The following ZYG11B variants were observed in gnomAD, a reference collection of about 807,000 sequenced individuals.
ZYG11B encodes protein zyg-11 homolog B.
ZYG11B carries 36 observed loss-of-function variants against 82.4 expected under a neutral mutation model. The observed-to-expected ratio is 0.44, with a 90% CI of 0.33 to 0.58. The LOEUF is 0.58. Ranked by LOEUF, ZYG11B falls within the 20% of genes least tolerant of loss-of-function variation. The probability of loss-of-function intolerance (pLI) is 0.02; values close to 1 mark genes in which losing one functional copy is unlikely to be tolerated. For missense variants in ZYG11B, 552 were observed against 895.6 expected (o/e 0.62, Z 4.90); for synonymous variants, 303 against 312.8 (o/e 0.97, Z 0.33).
chr1:52,768,301 A>G (rs1644715846), intron 2 of ZYG11B, among the ~76,000 whole-genome samples: 1 of 152,156 alleles, frequency 6.6e-6, no homozygotes. Context: ...GAAAAAAACC[A>G]GGAACTTTTC....
chr1:52,797,191 ATATAAAT>A (rs1645025881), intron 8 of ZYG11B, among the ~76,000 whole-genome samples: 1 of 78,250 alleles, frequency 1.3e-5, no homozygotes, highest in South Asian at 3.7e-4. Context: ...TATATATTAT[ATATAAAT>A]TATTTATATA....
chr1:52,821,519 C>G lies in ZYG11B; in HGVS notation c.2125C>G (p.Pro709Ala). 1.2e-6 allele frequency: 2 copies of G among 1,614,028 alleles called. No homozygotes were observed. Among genetic ancestry groups the G allele is most frequent in the African/African-American group, 2.7e-5 (2 of 75,004 alleles). ...YNIKDHEHTD[P>A]HVQQIAVAIL... ...CATCAAAGATCATGAACATACTGATCCCCATGTCCAACAGATTGCTGTGGC... is the reference window on the plus strand; with the variant it reads ...CATCAAAGATCATGAACATACTGATGCCCATGTCCAACAGATTGCTGTGGC... The change falls in exon 14 of 14, where the codon CCC (proline) becomes GCC (alanine). Residue 709 changes from proline to alanine, a missense_variant. By Grantham distance (27) the Pro-to-Ala change is conservative (BLOSUM62 -1). This residue lies in a region of ZYG11B where 127 missense variants were observed against 163.4 expected (regional missense o/e 0.78). Transcript: ENST00000294353.
chr1:52,811,798 A>G (rs760787871), intron 10 of ZYG11B, among the ~76,000 whole-genome samples: 3 of 152,152 alleles, frequency 2.0e-5, no homozygotes, highest in African/African-American at 4.8e-5. Flanking sequence ...TGGGAGGCCA[A>G]GGCGGGCGGA....
At chr1:52,726,750 C>A in intron 1 of ZYG11B, 67 bp downstream of exon 1, 1 of 1,404,798 alleles carries the variant, frequency 7.1e-7, no homozygotes, top group Non-Finnish European at 9.3e-7. Flanking sequence ...TCGCGCTGGC[C>A]CCTGCGGTCT....
At chr1:52,772,646 C>T (rs1644763799) in intron 3 of ZYG11B, 1 of 887,792 alleles carries the variant, frequency 1.1e-6, no homozygotes, top group African/African-American at 1.6e-5. Flanking sequence ...GCATACGACC[C>T]ATGATGGCGG....
At position 52,796,723 on chromosome 1, in the gene ZYG11B, C is replaced by G; in HGVS notation, c.1435-11C>G. The G allele has an allele frequency of 1.3e-6, 2 of 1,596,104 alleles. No individual in the cohort carries two copies. Among genetic ancestry groups the G allele is most frequent in the Non-Finnish European group, 1.7e-6 (2 of 1,173,178 alleles). ...TCTTGGACATTGAATTTGTTTTTTA[C>G]TTGCTTGCAGCTTTCTACAGAACAA... is the stretch of plus-strand genomic sequence containing the variant. On this transcript the variant is annotated splice_polypyrimidine_tract_variant and intron_variant, in intron 7 of 13. Coordinates refer to ENST00000294353, the MANE Select transcript of ZYG11B (RefSeq NM_024646.3).
At chr1:52,744,242 CTA>C (rs1182933851) in intron 1 of ZYG11B, among the ~76,000 whole-genome samples, 1 of 152,130 alleles carries the variant, frequency 6.6e-6, no homozygotes, top group African/African-American at 2.4e-5. Flanking sequence ...CAGCCTTTTT[CTA>C]TGTTTAGATT....
intron 4 of ZYG11B, among the ~76,000 whole-genome samples, chr1:52,784,006 A>AGG (rs1644891204): frequency 1.3e-5 from 2 of 151,406 alleles, no homozygotes; most frequent in Admixed American, 6.6e-5. Flanking sequence ...ATAGAGAGAG[A>AGG]GAGAGATGGA....
chr1:52,824,708 G>A lies in ZYG11B; in HGVS notation c.*3079G>A, dbSNP rs186093936. 2.0e-4 allele frequency: 30 copies of A among 152,172 alleles called. No individual in the cohort carries two copies. In the East Asian group the frequency reaches 4.2e-3, roughly 22 times the overall value. 9.4% of individuals were successfully genotyped at this position (152,172 alleles called of 1,614,324 possible). ...AAAATTTGAGTGCCTTTGCAGTTGG[G>A]ATGGTTCCTAAAATTGCGTATAGAA... On this transcript the variant is annotated 3_prime_UTR_variant, in exon 14 of 14. Coordinates refer to ENST00000294353, the MANE Select transcript of ZYG11B (RefSeq NM_024646.3).
intron 7 of ZYG11B, 58 bp downstream of exon 7, chr1:52,796,449 T>C (rs1008885711): frequency 5.1e-6 from 7 of 1,374,628 alleles, no homozygotes; most frequent in African/African-American, 1.4e-5. Flanking sequence ...CTACATTTAC[T>C]GTTTCCCCCC....
intron 10 of ZYG11B, among the ~76,000 whole-genome samples, chr1:52,806,874 AT>A (rs112225804): frequency 2.6e-4 from 38 of 146,384 alleles, no homozygotes; most frequent in Non-Finnish European, 2.4e-4. Context: ...GTACAATGTA[AT>A]TTTTTTTTTT....
intron 5 of ZYG11B, among the ~76,000 whole-genome samples, chr1:52,786,434 C>T (rs1045526021): frequency 6.6e-6 from 1 of 152,068 alleles, no homozygotes; most frequent in African/African-American, 2.4e-5. Context: ...TCAATAAAGT[C>T]GTTATATATT....
chr1:52,813,708 A>G lies in ZYG11B; in HGVS notation c.1868A>G (p.Gln623Arg), dbSNP rs1358697111. ...CAAGCTTGGACATTGAGTCGTAGCC[A>G]GAGGAATTCTCTGCTGGATGATTTG... Reference protein sequence around the residue: ...GEQAWTLSRSQRNSLLDDLHS... With the variant: ...GEQAWTLSRSRRNSLLDDLHS... Residue 623 changes from glutamine to arginine, a missense_variant, in exon 11 of 14, where the codon CAG becomes CGG. By Grantham distance (43) the Gln-to-Arg change is conservative (BLOSUM62 1). Transcript: ENST00000294353. 1.2e-6 allele frequency: 2 copies of G among 1,614,050 alleles called. No homozygotes were observed. Among genetic ancestry groups the G allele is most frequent in the Non-Finnish European group, 1.7e-6 (2 of 1,180,036 alleles).
intron 1 of ZYG11B, among the ~76,000 whole-genome samples, chr1:52,753,381 G>T (rs1644542247): frequency 6.7e-6 from 1 of 149,804 alleles, no homozygotes; most frequent in Admixed American, 6.7e-5. Flanking sequence ...AGCAATTATT[G>T]TCCATGGTTG....
intron 1 of ZYG11B, 143 bp from the exon 2 acceptor site, chr1:52,756,315 C>T (rs1332127271): frequency 4.5e-6 from 3 of 669,118 alleles, no homozygotes; most frequent in African/African-American, 1.8e-5. Flanking sequence ...GATTGTATTC[C>T]ACTGCCTTAC....
At chr1:52,821,402 TTC>T (rs1645282449) in intron 13 of ZYG11B, 35 bp from the exon 14 acceptor site, 1 of 1,521,228 alleles carries the variant, frequency 6.6e-7, no homozygotes, top group South Asian at 1.3e-5. Flanking sequence ...GAAAAGCTAT[TTC>T]TCCTGTTTTG....
At chr1:52,810,283 A>C (rs1645172028) in intron 10 of ZYG11B, among the ~76,000 whole-genome samples, 3 of 152,166 alleles carry the variant, frequency 2.0e-5, no homozygotes. Context: ...CTCTGTGAGC[A>C]CTATGCACTT....
chr1:52,816,015 TAATTA>T (rs925645547), intron 12 of ZYG11B, among the ~76,000 whole-genome samples: 5 of 152,216 alleles, frequency 3.3e-5, no homozygotes, highest in African/African-American at 9.6e-5. Flanking sequence ...GATAACTTGA[TAATTA>T]AATTACTAAT....
Position 52,821,883 on chromosome 1 carries a change from A to C in ZYG11B, c.*254A>C, listed in dbSNP as rs1274511486. ...ATTTTCCACATCTTTCAGTGTTTGA[A>C]CTTACTTGTGCTTGAGATTCTACAG... is the stretch of plus-strand genomic sequence containing the variant. On this transcript the variant is annotated 3_prime_UTR_variant, in exon 14 of 14. Coordinates refer to ENST00000294353, the MANE Select transcript of ZYG11B (RefSeq NM_024646.3). 3 of 341,724 alleles carry C rather than the reference A, an allele frequency of 8.8e-6. No individual in the cohort carries two copies. Among genetic ancestry groups the C allele is most frequent in the African/African-American group, 2.1e-5 (1 of 47,792 alleles). The allele number at this position is 341,724 out of a possible 1,614,324, so 21.2% of individuals were successfully genotyped here. A position where few individuals can be genotyped will look rare whatever the true frequency, so the allele number is the denominator to read the frequency against.
Sources: allele counts gnomAD v4.1 joint callset (sites outside exome capture counted in the v4.1 genomes callset), GRCh38; gene constraint gnomAD v4.1.1; regional missense constraint gnomAD v4.1.1; transcripts MANE v1.5; gene names NCBI Gene and HGNC (gene_info 2026-07-23, HGNC 2026-07-21).